PAX5: variants seen among roughly 807,000 people sequenced by gnomAD.
The protein encoded by PAX5 is paired box 5, also known as paired box protein Pax-5.
Under a neutral mutation model 43.7 loss-of-function variants are expected in PAX5, and 9 were observed. That is an observed-to-expected ratio of 0.21 (90% CI 0.12 to 0.36). The LOEUF (loss-of-function observed/expected upper bound fraction) is 0.36. Ranked by LOEUF, PAX5 falls within the 10% of genes least tolerant of loss-of-function variation. The pLI, the probability that PAX5 is intolerant of heterozygous loss-of-function variation, is 1.00. For missense variants in PAX5, 383 were observed against 532.7 expected, an observed-to-expected ratio of 0.72 and a Z score of 2.77; for synonymous variants, 228 against 214.3, an observed-to-expected ratio of 1.06 and a Z score of -0.56.
At chr9:36,899,812 T>C (rs1039609426) in intron 7 of PAX5, among the ~76,000 whole-genome samples, 1 of 152,224 alleles carries the variant, frequency 6.6e-6, no homozygotes, top group African/African-American at 2.4e-5. Flanking sequence ...CTCCTCACTA[T>C]GGCTTTCCTG....
intron 7 of PAX5, among the ~76,000 whole-genome samples, chr9:36,900,867 C>T (rs1828325792): frequency 6.6e-6 from 1 of 152,194 alleles, no homozygotes; most frequent in Non-Finnish European, 1.5e-5. Context: ...AAACCAGCTC[C>T]TCTTCCATGG....
chr9:36,879,172 C>G (rs1826177681), intron 8 of PAX5, among the ~76,000 whole-genome samples: 1 of 152,204 alleles, frequency 6.6e-6, no homozygotes, highest in Non-Finnish European at 1.5e-5. Flanking sequence ...TGAAGCTGTG[C>G]CCCTGCTCGG....
intron 7 of PAX5, among the ~76,000 whole-genome samples, chr9:36,911,505 C>G (rs1194339639): frequency 6.6e-6 from 1 of 152,212 alleles, no homozygotes; most frequent in East Asian, 1.9e-4. Context: ...CATGGAATTC[C>G]GAGGACGGCC....
At chr9:36,868,466 G>T (rs1039265047) in intron 8 of PAX5, among the ~76,000 whole-genome samples, 1 of 152,322 alleles carries the variant, frequency 6.6e-6, no homozygotes, top group South Asian at 2.1e-4. Context: ...GGAGATGAGG[G>T]ACTGCGGTGG....
intron 8 of PAX5, among the ~76,000 whole-genome samples, chr9:36,863,936 C>T (rs59331310): frequency 1.3e-5 from 2 of 152,200 alleles, no homozygotes; most frequent in Non-Finnish European, 2.9e-5. Flanking sequence ...TGGTGAAACC[C>T]CGTCTCTACT....
At position 36,863,892 on chromosome 9, in the gene PAX5, G is replaced by C. The variant is rs527462424; in HGVS notation, c.1013-16963C>G. Reference sequence around the variant, plus strand: ...TTGGGAGGCTAAGGTGGGCGGATCAGGAGGTCAGGAGCTCAAGACCAGCCT... The same window carrying C: ...TTGGGAGGCTAAGGTGGGCGGATCACGAGGTCAGGAGCTCAAGACCAGCCT... On this transcript the variant is annotated intron_variant, in intron 8 of 9. Coordinates refer to ENST00000358127, the MANE Select transcript of PAX5 (RefSeq NM_016734.3). Among the ~76,000 whole-genome samples, 19 of 152,288 alleles carry C rather than the reference G, an allele frequency of 1.2e-4. No individual in the cohort carries two copies. The East Asian group carries it at 2.1e-3, about 17-fold the overall frequency.
chr9:36,886,964 G>A (rs1177829429), intron 7 of PAX5, among the ~76,000 whole-genome samples: 1 of 152,144 alleles, frequency 6.6e-6, no homozygotes, highest in Non-Finnish European at 1.5e-5. Context: ...AGACACATTT[G>A]GTTTGAAATA....
intron 6 of PAX5, among the ~76,000 whole-genome samples, chr9:36,944,010 A>C (rs1036047163): frequency 4.0e-5 from 6 of 151,756 alleles, no homozygotes; most frequent in Non-Finnish European, 8.8e-5. Context: ...ACATAGCAAG[A>C]CTCCATCCCT....
In PAX5 at chr9:36,857,716, G is replaced by A. The variant is rs186097265; in HGVS notation, c.1013-10787C>T. On this transcript the variant is annotated intron_variant, in intron 8 of 9. Transcript: ENST00000358127. Reference sequence around the variant, plus strand: ...GTGTACTGCCTCTGTCCCCAGGGAAGGGAGTCCTCACTTTCTTTCAAGAAA... The same window carrying A: ...GTGTACTGCCTCTGTCCCCAGGGAAAGGAGTCCTCACTTTCTTTCAAGAAA... Among the ~76,000 whole-genome samples the A allele has an allele frequency of 3.9e-4, 60 of 152,324 alleles. 2 individuals carry two copies. Among genetic ancestry groups the A allele is most frequent in the Non-Finnish European group, 7.3e-4 (50 of 68,028 alleles).
rs1322561812 is a variant in PAX5 at position 37,015,131 on chromosome 9, T to C, written c.276A>G (p.Thr92=). Residue 92 remains threonine (T), a synonymous_variant, in exon 3 of 10, where the codon ACA becomes ACG. Transcript: ENST00000358127. This position sits in a 1 kb window ranked among gnomAD's most constrained non-coding sequence, Gnocchi z 4.4. ...VIGGSKPKVA[T]PKVVEKIAEY... is the part of the protein sequence containing the mutation. ...CAGCGATTTTTTCCACCACTTTGGG[T>C]GTGGCGACCTTTGGTTTGGATCCTC... 6.2e-7 allele frequency: 1 copy of C among 1,614,202 alleles called. No individual in the cohort carries two copies. The highest frequency in any genetic ancestry group is 1.3e-5 in the African/African-American group (1 of 75,040).
chr9:36,954,712 G>A (rs1361099672), intron 6 of PAX5, among the ~76,000 whole-genome samples: 2 of 152,026 alleles, frequency 1.3e-5, no homozygotes, highest in Non-Finnish European at 2.9e-5. Context: ...ACTTGCTTGG[G>A]ATTTAGTATG....
At chr9:36,936,830 G>A (rs990681066) in intron 6 of PAX5, among the ~76,000 whole-genome samples, 10 of 133,516 alleles carry the variant, frequency 7.5e-5, no homozygotes, top group Admixed American at 1.5e-4. Flanking sequence ...ACACACACAT[G>A]CACACACACA....
rs904059976 is a variant in PAX5 at position 36,838,455 on chromosome 9, C to T, written c.*2105G>A. 5.2e-5 allele frequency: 12 copies of T among 232,294 alleles called. No individual in the cohort carries two copies. The highest frequency in any genetic ancestry group is 1.0e-4 in the Non-Finnish European group (12 of 117,564). 14.4% of individuals were successfully genotyped at this position (232,294 alleles called of 1,614,324 possible). A position where few individuals can be genotyped will look rare whatever the true frequency, so the allele number is the denominator to read the frequency against. ...TGCTTGAGGACTCCACCTTGCTGAG[C>T]CTTAGTTTTCTCTTCTGTTCCACCA... On this transcript the variant is annotated 3_prime_UTR_variant, in exon 10 of 10. Transcript: ENST00000358127.
intron 3 of PAX5, among the ~76,000 whole-genome samples, chr9:37,011,128 C>CAAAAAAAAAA (rs1225031293): frequency 2.0e-5 from 2 of 100,934 alleles, no homozygotes; most frequent in Admixed American, 1.1e-4. Context: ...CTCAAAAAAA[C>CAAAAAAAAAA]AAAAAAAAAA....
intron 1 of PAX5, among the ~76,000 whole-genome samples, chr9:37,030,749 C>T (rs977504670): frequency 5.3e-5 from 8 of 152,240 alleles, no homozygotes; most frequent in African/African-American, 1.9e-4. Context: ...CCCGGCTTCC[C>T]TTTCCACGCC....
chr9:36,922,254 C>T (rs1384939845), intron 7 of PAX5, among the ~76,000 whole-genome samples: 1 of 152,190 alleles, frequency 6.6e-6, no homozygotes, highest in Non-Finnish European at 1.5e-5. Context: ...CCTGATGCAC[C>T]CACAGTCCAC....
intron 5 of PAX5, among the ~76,000 whole-genome samples, chr9:36,982,592 G>A (rs984571465): frequency 6.6e-6 from 1 of 152,208 alleles, no homozygotes; most frequent in Non-Finnish European, 1.5e-5. Context: ...CTCCTGGAAG[G>A]AGAAGGTGGC....
intron 7 of PAX5, among the ~76,000 whole-genome samples, chr9:36,910,815 G>A (rs550027490): frequency 4.6e-5 from 7 of 152,266 alleles, no homozygotes; most frequent in East Asian, 3.9e-4. Flanking sequence ...GAGTCAGGCC[G>A]CCGGACCTCT....
chr9:36,895,241 T>A (rs1305616422), intron 7 of PAX5, among the ~76,000 whole-genome samples: 5 of 152,344 alleles, frequency 3.3e-5, no homozygotes, highest in Non-Finnish European at 7.3e-5. Flanking sequence ...GTTCACCCCA[T>A]GCCTGTGTGT....
Sources: gnomAD v4.1 joint callset for allele counts (sites outside exome capture counted in the v4.1 genomes callset) on GRCh38, gnomAD v4.1.1 for gene constraint, Gnocchi (gnomAD v3.1) non-coding constraint, MANE v1.5 for transcripts, NCBI Gene and HGNC (gene_info 2026-07-23, HGNC 2026-07-21) for gene names.